Variants in RAB7A observed in about 807,000 individuals in gnomAD.
RAB7A encodes ras-related protein Rab-7a.
RAB7A carries 2 observed loss-of-function variants against 24.5 expected under a neutral mutation model. That is an observed-to-expected ratio of 0.08 (90% CI 0.03 to 0.26). RAB7A has a LOEUF of 0.26. RAB7A is among the 10% of genes least tolerant of loss of function. The probability of loss-of-function intolerance (pLI) is 1.00; values close to 1 mark genes in which losing one functional copy is unlikely to be tolerated. For synonymous variants in RAB7A, 100 were observed against 95.9 expected (o/e 1.04, Z -0.25); for missense variants, 118 against 255.7 (o/e 0.46, Z 3.67).
chr3:128,807,515 C>T (rs1009195868), intron 4 of RAB7A, 28 bp from the exon 5 acceptor site: 1 of 1,613,408 alleles, frequency 6.2e-7, no homozygotes. Flanking sequence ...CTGTCATGAG[C>T]CTATGTGCAC....
At chr3:128,773,082 G>A (rs954405090) in intron 1 of RAB7A, among the ~76,000 whole-genome samples, 5 of 151,882 alleles carry the variant, frequency 3.3e-5, no homozygotes, top group African/African-American at 7.3e-5. Context: ...CCCTCTGCCC[G>A]GCTGCCCAGT....
At chr3:128,728,765 C>T (rs12631485) in intron 1 of RAB7A, among the ~76,000 whole-genome samples, 1 of 152,160 alleles carries the variant, frequency 6.6e-6, no homozygotes, top group Non-Finnish European at 1.5e-5. Flanking sequence ...GCCCGGCCGA[C>T]TCTGGTAGCA....
At chr3:128,800,642 A>C (rs1325326251) in intron 3 of RAB7A, among the ~76,000 whole-genome samples, 1 of 152,220 alleles carries the variant, frequency 6.6e-6, no homozygotes, top group Non-Finnish European at 1.5e-5. Flanking sequence ...CCTGACAAGC[A>C]CAGCACTGAG....
chr3:128,781,666 T>C (rs1933224934), intron 1 of RAB7A, among the ~76,000 whole-genome samples: 1 of 151,900 alleles, frequency 6.6e-6, no homozygotes, highest in Admixed American at 6.6e-5. Flanking sequence ...GGAGAGACCT[T>C]GTCTGAAAAA....
intron 1 of RAB7A, among the ~76,000 whole-genome samples, chr3:128,791,293 C>T (rs1343672858): frequency 2.0e-5 from 3 of 152,128 alleles, no homozygotes; most frequent in Non-Finnish European, 4.4e-5. Flanking sequence ...TTGCCCACCA[C>T]CACGACCAGC....
chr3:128,756,216 A>G (rs2070728036), intron 1 of RAB7A, among the ~76,000 whole-genome samples: 1 of 152,044 alleles, frequency 6.6e-6, no homozygotes, highest in Admixed American at 6.6e-5. Context: ...CATGCCTGTA[A>G]TCCCAGCTAC....
intron 1 of RAB7A, among the ~76,000 whole-genome samples, chr3:128,732,059 GAGACAGAGTCA>G (rs1357604319): frequency 7.4e-6 from 1 of 134,688 alleles, no homozygotes; most frequent in Non-Finnish European, 1.6e-5. Context: ...TTCTCTCTCT[GAGACAGAGTCA>G]AGCTCTGTCG....
At chr3:128,727,555 G>T (rs1248514584) in intron 1 of RAB7A, among the ~76,000 whole-genome samples, 2 of 152,240 alleles carry the variant, frequency 1.3e-5, no homozygotes, top group Non-Finnish European at 2.9e-5. Flanking sequence ...GTGGTGTAGT[G>T]TCACCGAATT....
chr3:128,768,173 C>T (rs1253507789), intron 1 of RAB7A, among the ~76,000 whole-genome samples: 1 of 152,272 alleles, frequency 6.6e-6, no homozygotes, highest in Non-Finnish European at 1.5e-5. Context: ...TGTATATATA[C>T]TTTAAGTATA....
At chr3:128,806,691 G>A in intron 4 of RAB7A, 101 bp downstream of exon 4, 1 of 1,182,790 alleles carries the variant, frequency 8.5e-7, no homozygotes, top group Non-Finnish European at 1.2e-6. Context: ...TCTAGGAGGT[G>A]CTGGTGGGAG....
intron 5 of RAB7A, among the ~76,000 whole-genome samples, chr3:128,808,548 AGAT>A (rs1260951384): frequency 6.6e-6 from 1 of 152,196 alleles, no homozygotes; most frequent in Non-Finnish European, 1.5e-5. Flanking sequence ...AGAAGGAAGA[AGAT>A]GTAGGAAAAC....
chr3:128,780,953 A>T (rs1377233228), intron 1 of RAB7A, among the ~76,000 whole-genome samples: 1 of 152,192 alleles, frequency 6.6e-6, no homozygotes, highest in Non-Finnish European at 1.5e-5. Context: ...GCCAATTAGG[A>T]CTTCACAAAG....
intron 1 of RAB7A, among the ~76,000 whole-genome samples, chr3:128,759,294 A>G (rs2070757729): frequency 6.6e-6 from 1 of 152,210 alleles, no homozygotes; most frequent in African/African-American, 2.4e-5. Context: ...AGCGGTGGAA[A>G]AGCCACAGGA....
intron 1 of RAB7A, among the ~76,000 whole-genome samples, chr3:128,781,308 G>A (rs1393980938): frequency 1.3e-5 from 2 of 152,104 alleles, no homozygotes; most frequent in Non-Finnish European, 2.9e-5. Flanking sequence ...AATGCTAGGA[G>A]CTTTCTGTGC....
At position 128,813,598 on chromosome 3, in the gene RAB7A, C is replaced by A; in HGVS notation, c.*176C>A. 1 of 594,314 alleles carries A rather than the reference C, an allele frequency of 1.7e-6. No homozygotes were observed. The allele number at this position is 594,314 out of a possible 1,614,324, so 36.8% of individuals were successfully genotyped here. On this transcript the variant is annotated 3_prime_UTR_variant, in exon 6 of 6. Transcript: ENST00000265062. The stretch of plus-strand genomic sequence containing the variant: ...CCCACATATCTCTCACACACACACA[C>A]ACACGCACACACACACACACAGATC...
chr3:128,813,623 C>A lies in RAB7A; in HGVS notation c.*201C>A. ...CACACGCACACACACACACACAGAT[C>A]TGACGTAATCAAACTCCAGCCCTTG... is the stretch of plus-strand genomic sequence containing the variant. On this transcript the variant is annotated 3_prime_UTR_variant, in exon 6 of 6. Coordinates refer to ENST00000265062, the MANE Select transcript of RAB7A (RefSeq NM_004637.6). 1 of 614,048 alleles carries A rather than the reference C, an allele frequency of 1.6e-6. No individual in the cohort carries two copies. Among genetic ancestry groups the A allele is most frequent in the Non-Finnish European group, 3.0e-6 (1 of 334,090 alleles). 38.0% of individuals were successfully genotyped at this position (614,048 alleles called of 1,614,324 possible). A position where few individuals can be genotyped will look rare whatever the true frequency, so the allele number is the denominator to read the frequency against.
chr3:128,780,275 G>A lies in RAB7A; in HGVS notation c.-8-15085G>A, dbSNP rs981538153. On this transcript the variant is annotated intron_variant, in intron 1 of 5. Coordinates refer to ENST00000265062, the MANE Select transcript of RAB7A (RefSeq NM_004637.6). The stretch of plus-strand genomic sequence containing the variant: ...AAAAAGTCAGACTTGTAGCAACAAG[G>A]AAAGGGGCCAAAGTACAGTCTGATT... 2.3e-4 allele frequency among the ~76,000 whole-genome samples: 35 copies of A among 152,282 alleles called. No homozygotes were observed. The Middle Eastern group carries it at 0.017, about 74-fold the overall frequency.
At chr3:128,810,870 A>G (rs548377683) in intron 5 of RAB7A, among the ~76,000 whole-genome samples, 36 of 152,282 alleles carry the variant, frequency 2.4e-4, no homozygotes, top group South Asian at 2.3e-3. Context: ...CCTGGCCAAC[A>G]TTGTGAAACC....
chr3:128,727,737 CTT>C (rs2070394973), intron 1 of RAB7A, among the ~76,000 whole-genome samples: 2 of 152,202 alleles, frequency 1.3e-5, no homozygotes, highest in Admixed American at 6.5e-5. Context: ...AGAACGGACT[CTT>C]GTCTCTTTCT....
Sources: allele counts gnomAD v4.1 joint callset (sites outside exome capture counted in the v4.1 genomes callset), GRCh38; gene constraint gnomAD v4.1.1; transcripts MANE v1.5; gene names NCBI Gene and HGNC (gene_info 2026-07-23, HGNC 2026-07-21).